The following CLMP variants were observed in gnomAD, a reference collection of about 807,000 sequenced individuals.
The protein encoded by CLMP is CXADR-like membrane protein.
A neutral mutation model predicts 45.2 loss-of-function variants in CLMP; 27 were observed. The observed-to-expected ratio is 0.60, with a 90% CI of 0.44 to 0.82. The LOEUF is 0.82. Among genes scored for constraint, CLMP ranks in the 40% least tolerant of loss-of-function variants. The pLI, the probability that CLMP is intolerant of heterozygous loss-of-function variation, is 0.00. For missense variants in CLMP, 403 were observed against 448.4 expected, an observed-to-expected ratio of 0.90 and a Z score of 0.91; for synonymous variants, 167 against 171.4, an observed-to-expected ratio of 0.97 and a Z score of 0.20.
intron 1 of CLMP, among the ~76,000 whole-genome samples, chr11:123,118,136 T>C (rs1033196568): frequency 7.2e-5 from 11 of 152,064 alleles, no homozygotes; most frequent in African/African-American, 2.4e-4. Flanking sequence ...ATAAACTTTT[T>C]TTTCTTTTTT....
chr11:123,106,396 T>C (rs1860551373), intron 1 of CLMP, among the ~76,000 whole-genome samples: 2 of 115,938 alleles, frequency 1.7e-5, no homozygotes, highest in African/African-American at 3.2e-5. Flanking sequence ...TGTGTGTGTG[T>C]GTGTGTGTGT....
At position 123,150,524 on chromosome 11, in the gene CLMP, GAAGGAAAGAAA is replaced by G. The variant is rs1466546453; in HGVS notation, c.28+44378_28+44388del. Among the ~76,000 whole-genome samples, 37 of 126,850 alleles carry G rather than the reference GAAGGAAAGAAA, an allele frequency of 2.9e-4. No homozygotes were observed. The East Asian group carries it at 4.4e-3, about 15-fold the overall frequency. 83.2% of individuals were successfully genotyped at this position (126,850 alleles called of 152,430 possible). ...GGAAGGAAGGAAGGAAGGAAGGAAG[GAAGGAAAGAAA>G]CAAGCAAGGAAGGAAGGAAGGAAGG... On this transcript the variant is annotated intron_variant, in intron 1 of 6. Transcript: ENST00000448775.
intron 1 of CLMP, among the ~76,000 whole-genome samples, chr11:123,102,639 G>A (rs1397185588): frequency 1.4e-5 from 2 of 138,242 alleles, no homozygotes; most frequent in Non-Finnish European, 3.1e-5. Flanking sequence ...GCAGTGGCTC[G>A]ATCTCCTCTC....
intron 1 of CLMP, among the ~76,000 whole-genome samples, chr11:123,188,053 C>T (rs961102761): frequency 7.9e-5 from 12 of 152,224 alleles, no homozygotes; most frequent in Middle Eastern, 3.2e-3. Flanking sequence ...TGGTACTTTC[C>T]TCCAAAATAG....
intron 2 of CLMP, among the ~76,000 whole-genome samples, chr11:123,087,618 C>T (rs914070207): frequency 1.4e-4 from 22 of 151,874 alleles, no homozygotes; most frequent in Non-Finnish European, 3.1e-4. Context: ...GTCAAGAGAT[C>T]GAGACCATCC....
intron 2 of CLMP, 43 bp from the exon 3 acceptor site, chr11:123,084,756 G>C: frequency 6.4e-7 from 1 of 1,557,112 alleles, no homozygotes; most frequent in Non-Finnish European, 8.8e-7. Context: ...GTAACTCTCA[G>C]CCTGCCTTTC....
At chr11:123,136,203 A>G (rs1861068302) in intron 1 of CLMP, 1 of 643,206 alleles carries the variant, frequency 1.6e-6, no homozygotes, top group Admixed American at 1.8e-5. Flanking sequence ...CCTGCAAACC[A>G]GCCAGGAACA....
Position 123,110,963 on chromosome 11 carries a change from A to T in CLMP, c.29-13011T>A, listed in dbSNP as rs916577315. On this transcript the variant is annotated intron_variant, in intron 1 of 6. Coordinates refer to ENST00000448775, the MANE Select transcript of CLMP (RefSeq NM_024769.5). The stretch of plus-strand genomic sequence containing the variant: ...CTTATATGTGGATGTTAAACCCAAT[A>T]TTTAATGTCTTTTCTAACTATAATA... 1.4e-4 allele frequency among the ~76,000 whole-genome samples: 21 copies of T among 152,198 alleles called. 1 individual carries two copies. Among genetic ancestry groups the T allele is most frequent in the Admixed American group, 1.2e-3 (19 of 15,278 alleles).
At chr11:123,142,368 C>T (rs946870017) in intron 1 of CLMP, among the ~76,000 whole-genome samples, 16 of 152,110 alleles carry the variant, frequency 1.1e-4, no homozygotes, top group Non-Finnish European at 1.6e-4. Context: ...ATCCGATTGT[C>T]CAGGCACTGC....
At chr11:123,143,535 G>A (rs912437004) in intron 1 of CLMP, among the ~76,000 whole-genome samples, 1 of 151,994 alleles carries the variant, frequency 6.6e-6, no homozygotes. Flanking sequence ...GGGGGCATGA[G>A]ACAGGGAACA....
At chr11:123,136,658 C>T (rs1039664462) in intron 1 of CLMP, among the ~76,000 whole-genome samples, 17 of 148,710 alleles carry the variant, frequency 1.1e-4, no homozygotes, top group African/African-American at 4.2e-4. Flanking sequence ...ATCTCCGCCT[C>T]CCAGGTTCAA....
chr11:123,090,581 G>T (rs1865920146), intron 2 of CLMP, among the ~76,000 whole-genome samples: 1 of 152,134 alleles, frequency 6.6e-6, no homozygotes, highest in African/African-American at 2.4e-5. Flanking sequence ...ATAAAAGGGG[G>T]CTGCGTTACT....
chr11:123,144,448 T>C (rs755343914), intron 1 of CLMP, among the ~76,000 whole-genome samples: 1 of 152,230 alleles, frequency 6.6e-6, no homozygotes. Context: ...CTCGGCTCAC[T>C]GCAACCTCCG....
intron 1 of CLMP, among the ~76,000 whole-genome samples, chr11:123,128,584 C>T (rs1591469440): frequency 6.6e-6 from 1 of 151,994 alleles, no homozygotes; most frequent in East Asian, 1.9e-4. Flanking sequence ...TGCTTGAGCC[C>T]AGGAGGTAGA....
At chr11:123,085,166 A>G (rs1376893614) in intron 2 of CLMP, among the ~76,000 whole-genome samples, 2 of 148,896 alleles carry the variant, frequency 1.3e-5, no homozygotes, top group African/African-American at 5.0e-5. Flanking sequence ...CGATGTCGGC[A>G]AACCTGCCTC....
At chr11:123,163,950 G>A (rs1216489048) in intron 1 of CLMP, among the ~76,000 whole-genome samples, 1 of 152,092 alleles carries the variant, frequency 6.6e-6, no homozygotes, top group Non-Finnish European at 1.5e-5. Context: ...TCTGTAAAAT[G>A]CAACAATGAC....
At chr11:123,119,710 T>C (rs1860786522) in intron 1 of CLMP, among the ~76,000 whole-genome samples, 1 of 151,624 alleles carries the variant, frequency 6.6e-6, no homozygotes, top group African/African-American at 2.4e-5. Context: ...TTTTTGAGAC[T>C]GAGTCTGGCT....
At chr11:123,144,674 T>C (rs1861213224) in intron 1 of CLMP, among the ~76,000 whole-genome samples, 1 of 151,342 alleles carries the variant, frequency 6.6e-6, no homozygotes, top group Non-Finnish European at 1.5e-5. Context: ...CCAGCGGGGA[T>C]AATGATTTTT....
At chr11:123,194,754 G>T (rs1307034887) in intron 1 of CLMP, among the ~76,000 whole-genome samples, 159 bp downstream of exon 1, 1 of 152,252 alleles carries the variant, frequency 6.6e-6, no homozygotes, top group East Asian at 1.9e-4. Flanking sequence ...GCGGCCCTCG[G>T]TTGCCAGATG....
Sources: gnomAD v4.1 joint callset for allele counts (sites outside exome capture counted in the v4.1 genomes callset) on GRCh38, gnomAD v4.1.1 for gene constraint, MANE v1.5 for transcripts, NCBI Gene and HGNC (gene_info 2026-07-23, HGNC 2026-07-21) for gene names.